The following MACF1 variants were observed in gnomAD, a reference collection of about 807,000 sequenced individuals.
MACF1 encodes the protein microtubule actin crosslinking factor 1.
Under a neutral mutation model 854.8 loss-of-function variants are expected in MACF1, and 193 were observed. The ratio of observed to expected loss-of-function variants is 0.23; its 90% CI spans 0.20 to 0.25. The LOEUF (loss-of-function observed/expected upper bound fraction) is 0.25, where lower values mean the gene tolerates loss of function less well. Ranked by LOEUF, MACF1 falls within the 10% of genes least tolerant of loss-of-function variation. The pLI is 1.00. For synonymous variants in MACF1, 3,185 were observed against 3,226.7 expected (o/e 0.99, Z 0.44); for missense variants, 7,722 against 8,929.1 (o/e 0.86, Z 5.45).
intron 97 of MACF1, among the ~76,000 whole-genome samples, chr1:39,476,647 C>A (rs1243198645): frequency 6.6e-6 from 1 of 151,840 alleles, no homozygotes; most frequent in East Asian, 1.9e-4. Context: ...CAAATTGTCA[C>A]AGCATTGGCT....
At chr1:39,170,084 C>T (rs1643927966) in intron 2 of MACF1, among the ~76,000 whole-genome samples, 1 of 151,986 alleles carries the variant, frequency 6.6e-6, no homozygotes, top group African/African-American at 2.4e-5. Context: ...CCCAGCCTCT[C>T]CTTGCCCTTT....
chr1:39,110,607 C>T (rs1457072180), intron 2 of MACF1, among the ~76,000 whole-genome samples: 1 of 152,064 alleles, frequency 6.6e-6, no homozygotes, highest in African/African-American at 2.4e-5. Flanking sequence ...TTAGCCAGAA[C>T]AAAAGAGTAA....
At chr1:39,457,014 T>C (rs1298105544) in intron 89 of MACF1, 1 of 152,362 alleles carries the variant, frequency 6.6e-6, no homozygotes, top group Non-Finnish European at 1.5e-5. Context: ...TCCTCTTCCC[T>C]GCCTATTCAT....
intron 6 of MACF1, among the ~76,000 whole-genome samples, chr1:39,279,286 A>G (rs992191230): frequency 6.6e-5 from 10 of 152,172 alleles, no homozygotes; most frequent in South Asian, 2.1e-4. Flanking sequence ...TCTGTACTCA[A>G]TGCAAGCTTC....
At chr1:39,480,376 TGTG>T (rs952570439) in intron 98 of MACF1, among the ~76,000 whole-genome samples, 18 of 152,216 alleles carry the variant, frequency 1.2e-4, no homozygotes, top group Non-Finnish European at 2.9e-5. Context: ...TTTGGGAAGC[TGTG>T]GTGGGAGGAT....
At chr1:39,457,623 A>G (rs1294186728) in intron 89 of MACF1, 5 of 152,500 alleles carry the variant, frequency 3.3e-5, no homozygotes, top group Non-Finnish European at 7.3e-5. Flanking sequence ...GCCTTTCGTG[A>G]TCTGTCTCCT....
chr1:39,388,584 G>C lies in MACF1; in HGVS notation c.15742G>C (p.Glu5248Gln), dbSNP rs571511038. The C allele has an allele frequency of 1.2e-6, 2 of 1,613,728 alleles. No individual in the cohort carries two copies. The highest frequency in any genetic ancestry group is 2.2e-5 in the East Asian group (1 of 44,878). Residue 5248 changes from glutamate to glutamine, a missense_variant, in exon 58 of 101, where the codon GAG becomes CAG. This residue lies in a region of MACF1 where 2,807 missense variants were observed against 3,235.8 expected (regional missense o/e 0.87). Coordinates refer to ENST00000564288, the MANE Select transcript of MACF1 (RefSeq NM_001394062.1). The stretch of plus-strand genomic sequence containing the variant: ...ACTCAATGACGCGACCACAGCAGCA[G>C]AGGAGGCAGAGGCCCTCCAGTGGGT... The part of the protein sequence containing the change: ...KGLNDATTAA[E>Q]EAEALQWVVG...
chr1:39,086,367 G>A (rs1641674950), intron 2 of MACF1, among the ~76,000 whole-genome samples: 1 of 152,194 alleles, frequency 6.6e-6, no homozygotes, highest in South Asian at 2.1e-4. Context: ...AGGAGGGAGA[G>A]TTGGAGCTCT....
At chr1:39,352,160 A>G (rs181864929) in intron 43 of MACF1, among the ~76,000 whole-genome samples, 2 of 152,328 alleles carry the variant, frequency 1.3e-5, no homozygotes, top group African/African-American at 4.8e-5. Flanking sequence ...AAAATAAATT[A>G]CCTGAAGATG....
At position 39,486,080 on chromosome 1, in the gene MACF1, A is replaced by G; in HGVS notation, c.*286A>G. The G allele has an allele frequency of 3.9e-6, 1 of 255,466 alleles. No homozygotes were observed. The allele number at this position is 255,466 out of a possible 1,614,324, so 15.8% of individuals were successfully genotyped here. On this transcript the variant is annotated 3_prime_UTR_variant, in exon 101 of 101. Transcript: ENST00000564288. ...GATACAAATGTGTATTAAAAAAAAA[A>G]AAGCCTATTAATAGGGTTTCTGCGC...
In MACF1 at chr1:39,429,867, A is replaced by G; in HGVS notation, c.16929A>G (p.Ile5643Met). 6.2e-7 allele frequency: 1 copy of G among 1,614,140 alleles called. No homozygotes were observed. Residue 5643 changes from isoleucine (I) to methionine (M), a missense_variant, in exon 65 of 101, where the codon ATA (isoleucine) becomes ATG (methionine). Physicochemically the swap from Ile to Met is conservative, Grantham distance 10. Coordinates refer to ENST00000564288, the MANE Select transcript of MACF1 (RefSeq NM_001394062.1). ...TTATCCAGGAAAAACTAGATGGTAT[A>G]AAGACTCGTTACGCAGACATCACAG... ...VLLIQEKLDG[I>M]KTRYADITVT... is the part of the protein sequence containing the mutation.
intron 1 of MACF1, chr1:39,206,901 C>T (rs1321655888): frequency 2.0e-5 from 3 of 151,910 alleles, no homozygotes; most frequent in Non-Finnish European, 4.4e-5. Flanking sequence ...GTTTTTCCAC[C>T]ATCTCTGTGT....
intron 100 of MACF1, 85 bp downstream of exon 100, chr1:39,484,815 G>A: frequency 6.5e-7 from 1 of 1,526,864 alleles, no homozygotes; most frequent in Non-Finnish European, 9.1e-7. Context: ...CTCCCAAGGA[G>A]CGGGTAATGA....
chr1:39,305,422 C>T (rs1646151312), intron 23 of MACF1, among the ~76,000 whole-genome samples: 1 of 152,096 alleles, frequency 6.6e-6, no homozygotes. Context: ...GCTGTTTTAG[C>T]AGATTTTGCT....
rs1553457844 is a variant in MACF1, at chr1:39,477,072, T to TACACACACAC, written c.21959-2725_21959-2724insCACACACACA. On this transcript the variant is annotated intron_variant, in intron 97 of 100. Transcript: ENST00000564288. ...ATATATATATATATATATATATATA[T>TACACACACAC]ATATATATATATATATATACACACA... Among the ~76,000 whole-genome samples the TACACACACAC allele has an allele frequency of 5.5e-3, 300 of 54,102 alleles. 11 individuals carry two copies. The highest frequency in any genetic ancestry group is 0.014 in the South Asian group (23 of 1,684). The allele number at this position is 54,102 out of a possible 152,430, so 35.5% of individuals were successfully genotyped here. A position where few individuals can be genotyped will look rare whatever the true frequency, so the allele number is the denominator to read the frequency against.
chr1:39,205,279 T>C, intron 1 of MACF1, 148 bp downstream of exon 1: 1 of 617,340 alleles, frequency 1.6e-6, no homozygotes, highest in South Asian at 1.9e-5. Flanking sequence ...TGTGTGTGTG[T>C]GAGTATAATG....
chr1:39,412,377 G>A (rs1171472291), intron 58 of MACF1: 2 of 1,613,968 alleles, frequency 1.2e-6, no homozygotes, highest in East Asian at 4.5e-5. Flanking sequence ...TGGGAAATGT[G>A]GTCACTTGTG....
chr1:39,302,092 G>T (rs1166349394), intron 22 of MACF1, among the ~76,000 whole-genome samples: 2 of 152,070 alleles, frequency 1.3e-5, no homozygotes, highest in Non-Finnish European at 2.9e-5. Flanking sequence ...ACCTCCCTGG[G>T]CTCAGGTGAC....
At chr1:39,317,128 A>T in intron 28 of MACF1, 86 bp from the exon 29 acceptor site, 1 of 1,314,020 alleles carries the variant, frequency 7.6e-7, no homozygotes, top group Non-Finnish European at 1.1e-6. Flanking sequence ...AAATAGCTGT[A>T]GACCGTGTCC....
Sources: gnomAD v4.1 joint callset for allele counts (sites outside exome capture counted in the v4.1 genomes callset) on GRCh38, gnomAD v4.1.1 for gene constraint, gnomAD v4.1.1 regional missense constraint, MANE v1.5 for transcripts, NCBI Gene and HGNC (gene_info 2026-07-23, HGNC 2026-07-21) for gene names.